The following SYT9 variants were observed in gnomAD, a reference collection of about 807,000 sequenced individuals.
SYT9 encodes the protein synaptotagmin 9, also known as synaptotagmin-9.
A neutral mutation model predicts 48.4 loss-of-function variants in SYT9; 22 were observed. That is an observed-to-expected ratio of 0.45 (90% CI 0.32 to 0.65). The LOEUF is 0.65. Among genes scored for constraint, SYT9 ranks in the 30% least tolerant of loss-of-function variants. SYT9 has a pLI of 0.03. For missense variants in SYT9, 577 were observed against 622.0 expected, an observed-to-expected ratio of 0.93 and a Z score of 0.77; for synonymous variants, 265 against 245.0, an observed-to-expected ratio of 1.08 and a Z score of -0.76.
At chr11:7,255,705 A>G (rs1458146979) in intron 1 of SYT9, among the ~76,000 whole-genome samples, 2 of 152,190 alleles carry the variant, frequency 1.3e-5, no homozygotes, top group Non-Finnish European at 2.9e-5. Flanking sequence ...AATTCCATGT[A>G]CAAGTAGAAG....
At chr11:7,282,248 A>G (rs995282575) in intron 1 of SYT9, among the ~76,000 whole-genome samples, 20 of 152,214 alleles carry the variant, frequency 1.3e-4, no homozygotes, top group African/African-American at 4.6e-4. Flanking sequence ...ACATTCTTTC[A>G]TATTATAAAG....
chr11:7,386,451 GAA>G (rs59864674), intron 3 of SYT9, among the ~76,000 whole-genome samples: 12 of 149,556 alleles, frequency 8.0e-5, no homozygotes, highest in African/African-American at 2.0e-4. Flanking sequence ...AAATTTACAA[GAA>G]AAAAAAAAAC....
intron 1 of SYT9, chr11:7,238,935 A>T (rs1847712679): frequency 2.2e-6 from 1 of 456,046 alleles, no homozygotes; most frequent in Non-Finnish European, 4.4e-6. Flanking sequence ...GCTAGTGGGG[A>T]ATCTTGTGCC....
At chr11:7,466,178 C>A (rs192070576) in intron 6 of SYT9, among the ~76,000 whole-genome samples, 75 of 152,334 alleles carry the variant, frequency 4.9e-4, no homozygotes, top group African/African-American at 1.7e-3. Context: ...CTTCTTCTTT[C>A]CAGAGGGATT....
chr11:7,242,058 A>T (rs1847746145), intron 1 of SYT9, among the ~76,000 whole-genome samples: 1 of 152,250 alleles, frequency 6.6e-6, no homozygotes, highest in Non-Finnish European at 1.5e-5. Flanking sequence ...TGATTAAATT[A>T]AAAACACATA....
intron 6 of SYT9, among the ~76,000 whole-genome samples, chr11:7,460,904 T>C (rs1203985472): frequency 3.3e-5 from 5 of 152,200 alleles, no homozygotes; most frequent in Admixed American, 2.6e-4. Context: ...TTTCTAGGAA[T>C]TGAAATTACA....
At chr11:7,272,482 GT>G (rs545448737) in intron 1 of SYT9, among the ~76,000 whole-genome samples, 13 of 149,724 alleles carry the variant, frequency 8.7e-5, no homozygotes, top group African/African-American at 2.5e-4. Flanking sequence ...TTTTATTGGT[GT>G]TTTTTTTTCC....
intron 3 of SYT9, 73 bp from the exon 4 acceptor site, chr11:7,415,969 G>A (rs1847238546): frequency 6.3e-7 from 1 of 1,592,566 alleles, no homozygotes; most frequent in African/African-American, 1.3e-5. Context: ...CTTTCAGTGT[G>A]GCCTGAAGCT....
intron 1 of SYT9, among the ~76,000 whole-genome samples, chr11:7,279,400 G>A (rs191255214): frequency 2.0e-5 from 3 of 152,252 alleles, no homozygotes; most frequent in Admixed American, 2.0e-4. Flanking sequence ...AGAATAGGAG[G>A]GGTGAAGCTC....
intron 3 of SYT9, among the ~76,000 whole-genome samples, chr11:7,386,976 T>G (rs1295831605): frequency 1.3e-5 from 2 of 152,100 alleles, no homozygotes; most frequent in African/African-American, 2.4e-5. Flanking sequence ...CCATAAAAAA[T>G]GATGAGTTCA....
chr11:7,294,100 G>C (rs1848744887), intron 1 of SYT9, among the ~76,000 whole-genome samples: 1 of 152,194 alleles, frequency 6.6e-6, no homozygotes, highest in African/African-American at 2.4e-5. Context: ...TATGGTGGAA[G>C]GAGTGAGGGA....
intron 3 of SYT9, among the ~76,000 whole-genome samples, chr11:7,399,093 A>G (rs573594231): frequency 4.6e-4 from 70 of 152,288 alleles, no homozygotes; most frequent in African/African-American, 1.5e-3. Flanking sequence ...AGACACCCCT[A>G]TGGTAACAGT....
rs1381782894 is a variant in SYT9 at position 7,407,669 on chromosome 11, C to T, written c.1045-8373C>T. On this transcript the variant is annotated intron_variant, in intron 3 of 6. Transcript: ENST00000318881. The stretch of plus-strand genomic sequence containing the variant: ...TGCTGGGATTACAGGCGTGAGCCAC[C>T]GCGCCCGGCCTTAAGTCTATAATTT... 3.8e-5 allele frequency among the ~76,000 whole-genome samples: 2 copies of T among 52,162 alleles called. 1 individual carries two copies. Among genetic ancestry groups the T allele is most frequent in the Non-Finnish European group, 7.5e-5 (2 of 26,794 alleles). The allele number at this position is 52,162 out of a possible 152,430, so 34.2% of individuals were successfully genotyped here.
At chr11:7,341,292 A>T (rs1849707938) in intron 3 of SYT9, among the ~76,000 whole-genome samples, 1 of 152,256 alleles carries the variant, frequency 6.6e-6, no homozygotes, top group South Asian at 2.1e-4. Flanking sequence ...CTACTGGAAG[A>T]TGCTTCTGAT....
chr11:7,383,023 G>C (rs1008862711), intron 3 of SYT9, among the ~76,000 whole-genome samples: 3 of 152,186 alleles, frequency 2.0e-5, no homozygotes, highest in South Asian at 4.1e-4. Flanking sequence ...CTAATTATTA[G>C]TAGGATCCAT....
At chr11:7,418,453 C>T (rs1847292062) in intron 5 of SYT9, among the ~76,000 whole-genome samples, 1 of 152,204 alleles carries the variant, frequency 6.6e-6, no homozygotes, top group African/African-American at 2.4e-5. Context: ...AGCTGTGGCC[C>T]CACAGGTTTT....
chr11:7,425,717 A>G (rs774814869), intron 6 of SYT9, among the ~76,000 whole-genome samples: 8 of 152,138 alleles, frequency 5.3e-5, no homozygotes, highest in Non-Finnish European at 1.0e-4. Flanking sequence ...TTGCCCTCTG[A>G]AGGAGTGGCT....
At chr11:7,343,863 G>C (rs1161645200) in intron 3 of SYT9, among the ~76,000 whole-genome samples, 1 of 152,172 alleles carries the variant, frequency 6.6e-6, no homozygotes, top group Non-Finnish European at 1.5e-5. Flanking sequence ...AAGGTAAAAG[G>C]CATGTCTTAC....
At chr11:7,355,911 T>C (rs1850013022) in intron 3 of SYT9, among the ~76,000 whole-genome samples, 1 of 152,228 alleles carries the variant, frequency 6.6e-6, no homozygotes, top group South Asian at 2.1e-4. Flanking sequence ...AGTCCCTTCC[T>C]GATTGTCTTG....
Sources: allele counts gnomAD v4.1 joint callset (sites outside exome capture counted in the v4.1 genomes callset), GRCh38; gene constraint gnomAD v4.1.1; transcripts MANE v1.5; gene names NCBI Gene and HGNC (gene_info 2026-07-23, HGNC 2026-07-21).